Variants in MALRD1 observed in about 807,000 individuals in gnomAD.
MALRD1 encodes the protein MAM and LDL-receptor class A domain-containing protein 1.
MALRD1 carries 247 observed loss-of-function variants against 242.1 expected under a neutral mutation model. The ratio of observed to expected loss-of-function variants is 1.02; its 90% CI spans 0.92 to 1.13. MALRD1 has a LOEUF of 1.13. MALRD1 is among the 50% of genes most tolerant of loss of function. The pLI is 0.00. For missense variants in MALRD1, 2,989 were observed against 2,533.1 expected (o/e 1.18, Z -3.86); for synonymous variants, 995 against 866.6 (o/e 1.15, Z -2.60).
intron 26 of MALRD1, among the ~76,000 whole-genome samples, chr10:19,369,372 C>T (rs1845265681): frequency 7.8e-6 from 1 of 128,890 alleles, no homozygotes; most frequent in South Asian, 2.3e-4. Context: ...ATTAAATATA[C>T]AACATATTGA....
intron 33 of MALRD1, among the ~76,000 whole-genome samples, chr10:19,578,701 G>C (rs1191627640): frequency 1.1e-4 from 16 of 148,134 alleles, no homozygotes; most frequent in Non-Finnish European, 2.3e-4. Flanking sequence ...CTCATGGCTG[G>C]GTTTTTTTTT....
chr10:19,113,013 T>C (rs1194918642), intron 5 of MALRD1, among the ~76,000 whole-genome samples: 2 of 152,210 alleles, frequency 1.3e-5, no homozygotes, highest in East Asian at 3.8e-4. Flanking sequence ...CCTACCTTAT[T>C]TCTTAAATTT....
chr10:19,066,139 T>C (rs1373436475), intron 1 of MALRD1, among the ~76,000 whole-genome samples: 14 of 152,198 alleles, frequency 9.2e-5, no homozygotes, highest in Admixed American at 9.2e-4. Context: ...CAATTTACAA[T>C]ACCTCAGACA....
At chr10:19,435,388 C>T (rs981613626) in intron 28 of MALRD1, among the ~76,000 whole-genome samples, 14 of 151,954 alleles carry the variant, frequency 9.2e-5, no homozygotes, top group African/African-American at 3.4e-4. Context: ...ATACCTTATC[C>T]AGATTTCCTT....
chr10:19,338,711 G>T (rs1032001957), intron 24 of MALRD1, among the ~76,000 whole-genome samples: 7 of 146,534 alleles, frequency 4.8e-5, no homozygotes, highest in Admixed American at 1.3e-4. Flanking sequence ...GGAGAATGGG[G>T]TATCCATCTC....
intron 19 of MALRD1, among the ~76,000 whole-genome samples, chr10:19,267,157 A>T (rs948223436): frequency 1.3e-5 from 2 of 152,118 alleles, no homozygotes; most frequent in African/African-American, 2.4e-5. Flanking sequence ...ATTGAAAAAT[A>T]ATTTATGTGC....
chr10:19,458,874 T>C (rs1835794890), intron 29 of MALRD1, among the ~76,000 whole-genome samples: 1 of 149,232 alleles, frequency 6.7e-6, no homozygotes, highest in Non-Finnish European at 1.5e-5. Flanking sequence ...ACTTGTTTTT[T>C]AGATATGTAT....
intron 29 of MALRD1, among the ~76,000 whole-genome samples, chr10:19,469,858 T>C (rs1416967590): frequency 6.6e-6 from 1 of 152,036 alleles, no homozygotes; most frequent in Non-Finnish European, 1.5e-5. Context: ...TGGGGATAAG[T>C]ATACACTCAT....
chr10:19,491,751 G>A lies in MALRD1; in HGVS notation c.5158+106G>A, dbSNP rs181346442. 27 of 1,271,156 alleles carry A rather than the reference G, an allele frequency of 2.1e-5. No homozygotes were observed. The East Asian group carries it at 4.5e-4, about 21-fold the overall frequency. 78.7% of individuals were successfully genotyped at this position (1,271,156 alleles called of 1,614,324 possible). A position where few individuals can be genotyped will look rare whatever the true frequency, so the allele number is the denominator to read the frequency against. On this transcript the variant is annotated intron_variant, in intron 30 of 39. Coordinates refer to ENST00000454679, the MANE Select transcript of MALRD1 (RefSeq NM_001142308.3). ...GATGGAGAAGAAATATTATTTTCAT[G>A]CACTAGAGTAGATTTAGAATAGCCC...
intron 21 of MALRD1, among the ~76,000 whole-genome samples, chr10:19,310,169 A>G (rs1414367988): frequency 6.6e-6 from 1 of 151,422 alleles, no homozygotes; most frequent in East Asian, 1.9e-4. Context: ...ACTATTTTGC[A>G]AAGAGTAGGG....
intron 28 of MALRD1, among the ~76,000 whole-genome samples, chr10:19,422,486 A>T (rs1833750893): frequency 6.6e-6 from 1 of 152,194 alleles, no homozygotes; most frequent in Admixed American, 6.5e-5. Context: ...GTAAGAGAGG[A>T]TATAAGGATA....
chr10:19,113,822 C>CACACACAG (rs1836774193), intron 5 of MALRD1, among the ~76,000 whole-genome samples: 1 of 147,942 alleles, frequency 6.8e-6, no homozygotes, highest in African/African-American at 2.4e-5. Flanking sequence ...CACACACACA[C>CACACACAG]ACACACACAG....
chr10:19,545,842 A>C (rs1373723274), intron 32 of MALRD1, among the ~76,000 whole-genome samples: 1 of 152,142 alleles, frequency 6.6e-6, no homozygotes, highest in Non-Finnish European at 1.5e-5. Context: ...TTAGAGGATC[A>C]CTTCTTTCAG....
intron 36 of MALRD1, among the ~76,000 whole-genome samples, chr10:19,645,646 C>T (rs938616557): frequency 6.6e-6 from 1 of 152,018 alleles, no homozygotes; most frequent in Non-Finnish European, 1.5e-5. Context: ...CCAAACACCA[C>T]ATATTCTCAC....
In MALRD1 at chr10:19,435,624, A is replaced by G. The variant is rs774573633; in HGVS notation, c.4846-14683A>G. 2.0e-5 allele frequency among the ~76,000 whole-genome samples: 3 copies of G among 152,170 alleles called. 1 individual carries two copies. The highest frequency in any genetic ancestry group is 4.4e-5 in the Non-Finnish European group (3 of 68,030). Reference sequence around the variant, plus strand: ...TGGAGAATAAGACCACAGAAGTCCCATTGTTATCACATCATGTCAAGAGTC... The same window carrying G: ...TGGAGAATAAGACCACAGAAGTCCCGTTGTTATCACATCATGTCAAGAGTC... On this transcript the variant is annotated intron_variant, in intron 28 of 39. Transcript: ENST00000454679.
chr10:19,516,677 C>T (rs1203226613), intron 31 of MALRD1, among the ~76,000 whole-genome samples: 2 of 151,214 alleles, frequency 1.3e-5, no homozygotes, highest in Non-Finnish European at 2.9e-5. Context: ...CTTCCTCCTC[C>T]TCATCTCCTC....
chr10:19,335,867 C>A (rs1461713796), intron 24 of MALRD1, among the ~76,000 whole-genome samples: 1 of 152,032 alleles, frequency 6.6e-6, no homozygotes, highest in Non-Finnish European at 1.5e-5. Context: ...AGATTTGTTA[C>A]ATAGATATAC....
chr10:19,107,317 G>A (rs1165950932), intron 5 of MALRD1, among the ~76,000 whole-genome samples: 1 of 151,796 alleles, frequency 6.6e-6, no homozygotes, highest in Non-Finnish European at 1.5e-5. Flanking sequence ...CTAGTTTTGG[G>A]TGAATATATA....
At chr10:19,617,144 C>A (rs1839194839) in intron 36 of MALRD1, among the ~76,000 whole-genome samples, 1 of 151,890 alleles carries the variant, frequency 6.6e-6, no homozygotes, top group South Asian at 2.1e-4. Context: ...GACAGTTAAG[C>A]CAGAAAACTC....
Sources: allele counts gnomAD v4.1 joint callset (sites outside exome capture counted in the v4.1 genomes callset), GRCh38; gene constraint gnomAD v4.1.1; transcripts MANE v1.5; gene names NCBI Gene and HGNC (gene_info 2026-07-23, HGNC 2026-07-21).